Variants in NDUFAF2 observed in about 807,000 individuals in gnomAD.
NDUFAF2 encodes NADH dehydrogenase [ubiquinone] 1 alpha subcomplex assembly factor 2.
A neutral mutation model predicts 22.8 loss-of-function variants in NDUFAF2; 13 were observed. The observed-to-expected ratio is 0.57, with a 90% confidence interval of 0.37 to 0.91. The LOEUF is 0.91. NDUFAF2 is among the 40% of genes least tolerant of loss of function. The pLI is 0.01. For synonymous variants in NDUFAF2, 53 were observed against 64.2 expected, an observed-to-expected ratio of 0.83 and a Z score of 0.84; for missense variants, 162 against 195.2, an observed-to-expected ratio of 0.83 and a Z score of 1.01.
intron 2 of NDUFAF2, among the ~76,000 whole-genome samples, chr5:61,096,556 G>A (rs983154473): frequency 2.1e-5 from 3 of 144,198 alleles, no homozygotes; most frequent in Non-Finnish European, 4.5e-5. Flanking sequence ...CCAAGATTGC[G>A]TCACTGCACT....
chr5:60,989,139 A>C (rs562837630), intron 1 of NDUFAF2, among the ~76,000 whole-genome samples: 2 of 152,236 alleles, frequency 1.3e-5, no homozygotes, highest in African/African-American at 2.4e-5. Flanking sequence ...ACATACATGC[A>C]GCCAACAAGC....
At chr5:61,070,934 A>AG (rs11378493) in intron 1 of NDUFAF2, among the ~76,000 whole-genome samples, 94,930 of 151,820 alleles carry the variant, frequency 0.63, 30,493 homozygotes, top group East Asian at 0.94. Context: ...TACTCCAAAA[A>AG]ACATTCTTAC....
At chr5:60,987,929 A>G (rs1475486595) in intron 1 of NDUFAF2, among the ~76,000 whole-genome samples, 4 of 152,180 alleles carry the variant, frequency 2.6e-5, no homozygotes, top group Non-Finnish European at 4.4e-5. Context: ...AGCCAGGGCA[A>G]TCAGGCAAGA....
chr5:61,080,543 C>A (rs1333603752), intron 2 of NDUFAF2, among the ~76,000 whole-genome samples: 1 of 152,112 alleles, frequency 6.6e-6, no homozygotes, highest in East Asian at 1.9e-4. Context: ...TACATTTGAG[C>A]CATTCTAATT....
In NDUFAF2 at chr5:61,152,884, C is replaced by G. The variant is rs1741265823; in HGVS notation, c.439C>G (p.Pro147Ala). The part of the protein sequence containing the change: ...YFGKEEPSVA[P>A]SSTGKTFQPG... ...TGGAAAGGAAGAACCCTCAGTGGCT[C>G]CCAGCAGCACTGGTAAAACCTTTCA... Residue 147 changes from proline to alanine, a missense_variant, in exon 4 of 4, where the codon CCC becomes GCC. This residue lies in a region of NDUFAF2 where 68 missense variants were observed against 110.0 expected (regional missense o/e 0.62). Coordinates refer to ENST00000296597, the MANE Select transcript of NDUFAF2 (RefSeq NM_174889.5). 2 of 1,612,244 alleles carry G rather than the reference C, an allele frequency of 1.2e-6. No homozygotes were observed. Among genetic ancestry groups the G allele is most frequent in the Non-Finnish European group, 1.7e-6 (2 of 1,179,018 alleles).
In NDUFAF2 at chr5:61,040,296, G is replaced by GCA. The variant is rs199546300; in HGVS notation, c.128-32828_128-32827insAC. On this transcript the variant is annotated intron_variant, in intron 1 of 3. Transcript: ENST00000296597. ...CACACACACACACACACGCGCGCGC[G>GCA]CGCGCGAAAGTTGAAAGCAGAGATT... 6.5e-4 allele frequency among the ~76,000 whole-genome samples: 95 copies of GCA among 145,622 alleles called. 2 individuals carry two copies. Among genetic ancestry groups the GCA allele is most frequent in the African/African-American group, 2.3e-3 (89 of 39,374 alleles).
intron 1 of NDUFAF2, among the ~76,000 whole-genome samples, chr5:60,986,287 A>G (rs2112582343): frequency 6.6e-6 from 1 of 152,326 alleles, no homozygotes; most frequent in South Asian, 2.1e-4. Flanking sequence ...GGTACATTGT[A>G]CAATAAAAAT....
chr5:61,143,250 C>T (rs1020673577), intron 3 of NDUFAF2, among the ~76,000 whole-genome samples: 2 of 152,006 alleles, frequency 1.3e-5, no homozygotes, highest in Non-Finnish European at 2.9e-5. Context: ...TGCCAAATTT[C>T]ACTTATAATC....
chr5:61,105,557 A>G (rs1752752322), intron 3 of NDUFAF2, among the ~76,000 whole-genome samples: 1 of 150,346 alleles, frequency 6.7e-6, no homozygotes, highest in South Asian at 2.1e-4. Context: ...AAATGAATGA[A>G]AAAAAAAACT....
At chr5:61,025,553 G>A (rs1751639443) in intron 1 of NDUFAF2, among the ~76,000 whole-genome samples, 1 of 151,992 alleles carries the variant, frequency 6.6e-6, no homozygotes, top group African/African-American at 2.4e-5. Context: ...CTATTTAGTT[G>A]AAAATGATTC....
intron 2 of NDUFAF2, among the ~76,000 whole-genome samples, chr5:61,089,424 A>G (rs1363469105): frequency 6.6e-6 from 1 of 152,166 alleles, no homozygotes; most frequent in Non-Finnish European, 1.5e-5. Flanking sequence ...AACAAAAACA[A>G]CAAAGTAATG....
At chr5:61,050,130 TA>T (rs974870710) in intron 1 of NDUFAF2, among the ~76,000 whole-genome samples, 2 of 151,966 alleles carry the variant, frequency 1.3e-5, no homozygotes, top group Admixed American at 6.6e-5. Context: ...ATTATATATA[TA>T]TTTTTTTTGA....
At chr5:61,084,395 A>G (rs1428703235) in intron 2 of NDUFAF2, among the ~76,000 whole-genome samples, 1 of 145,306 alleles carries the variant, frequency 6.9e-6, no homozygotes, top group Non-Finnish European at 1.6e-5. Context: ...GTTTGCAACT[A>G]TCAGCAGCAT....
chr5:61,095,582 G>GC (rs1561563426), intron 2 of NDUFAF2, among the ~76,000 whole-genome samples: 1 of 151,952 alleles, frequency 6.6e-6, no homozygotes, highest in East Asian at 1.9e-4. Flanking sequence ...CTATTGCCAG[G>GC]AAGTGTGGAG....
chr5:60,952,513 C>T (rs1750561223), intron 1 of NDUFAF2, among the ~76,000 whole-genome samples: 6 of 151,796 alleles, frequency 4.0e-5, no homozygotes. Flanking sequence ...TTTTCATTGA[C>T]TTCTAGTTTA....
intron 1 of NDUFAF2, among the ~76,000 whole-genome samples, chr5:61,004,561 A>G (rs538690269): frequency 2.0e-5 from 3 of 152,292 alleles, no homozygotes; most frequent in Admixed American, 6.5e-5. Context: ...TAGCTGGAAT[A>G]ACATGAAAAT....
At chr5:61,016,473 A>G (rs922564779) in intron 1 of NDUFAF2, among the ~76,000 whole-genome samples, 1 of 152,212 alleles carries the variant, frequency 6.6e-6, no homozygotes, top group Non-Finnish European at 1.5e-5. Context: ...GCCATGTAGC[A>G]TGAAAGCTGG....
chr5:61,123,733 A>T (rs1217260119), intron 3 of NDUFAF2, among the ~76,000 whole-genome samples: 2 of 152,196 alleles, frequency 1.3e-5, no homozygotes, highest in Non-Finnish European at 2.9e-5. Context: ...TTCTTTTCAA[A>T]CAAGTTTATT....
chr5:61,125,685 T>A (rs1753028259), intron 3 of NDUFAF2, among the ~76,000 whole-genome samples: 1 of 152,074 alleles, frequency 6.6e-6, no homozygotes, highest in African/African-American at 2.4e-5. Flanking sequence ...CATCTTCAGA[T>A]CAAAGTAATT....
Sources: gnomAD v4.1 joint callset for allele counts (sites outside exome capture counted in the v4.1 genomes callset) on GRCh38, gnomAD v4.1.1 for gene constraint, gnomAD v4.1.1 regional missense constraint, MANE v1.5 for transcripts, NCBI Gene and HGNC (gene_info 2026-07-23, HGNC 2026-07-21) for gene names.